The following AIFM2 variants were observed in gnomAD, a reference collection of about 807,000 sequenced individuals.
The protein encoded by AIFM2 is AIF family member 2, ferroptosis suppressor.
A neutral mutation model predicts 35.7 loss-of-function variants in AIFM2; 38 were observed. The observed-to-expected ratio is 1.06, with a 90% CI of 0.82 to 1.39. The LOEUF is 1.39. Ranked by LOEUF, AIFM2 falls within the 40% of genes most tolerant of loss-of-function variation. The pLI, the probability that AIFM2 is intolerant of heterozygous loss-of-function variation, is 0.00. For synonymous variants in AIFM2, 185 were observed against 203.5 expected, an observed-to-expected ratio of 0.91 and a Z score of 0.77; for missense variants, 476 against 491.2, an observed-to-expected ratio of 0.97 and a Z score of 0.29.
rs375133466 is a variant in AIFM2 at position 70,117,155 on chromosome 10, G to A, written c.617-381C>T. Among the ~76,000 whole-genome samples, 20 of 152,352 alleles carry A rather than the reference G, an allele frequency of 1.3e-4. 1 individual carries two copies. In the East Asian group the frequency reaches 2.5e-3, roughly 19 times the overall value. On this transcript the variant is annotated intron_variant, in intron 6 of 8. Coordinates refer to ENST00000307864, the MANE Select transcript of AIFM2 (RefSeq NM_032797.6). The surrounding 1 kb of genome is among the most constrained non-coding windows in gnomAD (Gnocchi z 4.7). ...CACCACGACAAAGGGGAAAGCCAGA[G>A]AAAGAGAAGCCAGCTCGCTACACTC...
chr10:70,123,250 C>T (rs2072529101), intron 3 of AIFM2, among the ~76,000 whole-genome samples, 155 bp downstream of exon 3: 4 of 152,180 alleles, frequency 2.6e-5, no homozygotes, highest in Admixed American at 2.6e-4. Flanking sequence ...AACTCCTGAC[C>T]TCAGGTGATC....
Position 70,117,840 on chromosome 10 carries a change from G to T in AIFM2, c.588C>A (p.Leu196=), listed in dbSNP as rs2072455001. ...PSVRQEVKEI[L]LRKGVQLLLS... is the part of the protein sequence containing the mutation. The stretch of plus-strand genomic sequence containing the variant: ...GCAGCAGCTGCACGCCCTTCCGGAG[G>T]AGGATCTCCTTCACTTCCTGCCGGA... The change falls in exon 6 of 9, where the codon CTC becomes CTA. Residue 196 remains leucine (L), a synonymous_variant. Coordinates refer to ENST00000307864, the MANE Select transcript of AIFM2 (RefSeq NM_032797.6). This position sits in a 1 kb window ranked among gnomAD's most constrained non-coding sequence, Gnocchi z 4.7. 6.2e-7 allele frequency: 1 copy of T among 1,604,938 alleles called. No homozygotes were observed. The highest frequency in any genetic ancestry group is 1.3e-5 in the African/African-American group (1 of 74,316).
chr10:70,125,437 C>CAAAAAAAAAAAAAA (rs199638586), intron 1 of AIFM2, among the ~76,000 whole-genome samples: 2 of 67,952 alleles, frequency 2.9e-5, no homozygotes, highest in African/African-American at 6.6e-5. Context: ...TCTGTCTCTA[C>CAAAAAAAAAAAAAA]AAAAAAAAAA....
Position 70,124,072 on chromosome 10 carries a change from C to T in AIFM2, c.13G>A (p.Val5Ile), listed in dbSNP as rs2072540062. The T allele has an allele frequency of 6.5e-7, 1 of 1,539,046 alleles. No individual in the cohort carries two copies. The highest frequency in any genetic ancestry group is 1.2e-5 in the South Asian group (1 of 82,360). ...TGCAGAGCTCCCGATTCCACCGAGA[C>T]CTGGGACCCCATCTCAAATCAGGCA... MGSQ[V>I]SVESGALHVV... Residue 5 changes from valine (V) to isoleucine (I), a missense_variant, in exon 2 of 9, where the codon GTC becomes ATC. Coordinates refer to ENST00000307864, the MANE Select transcript of AIFM2 (RefSeq NM_032797.6).
rs35599207 is a variant in AIFM2 at position 70,121,223 on chromosome 10, CAAAAAAAAAAAAAAAAAAAA to C, written c.295-32_295-13del. ...GAGAAGGGCAGGGCCTGAGAGAAAC[CAAAAAAAAAAAAAAAAAAAA>C]AAAAAAAAAGATGAGGGTAGGGCAG... On this transcript the variant is annotated splice_polypyrimidine_tract_variant and intron_variant, in intron 3 of 8. Coordinates refer to ENST00000307864, the MANE Select transcript of AIFM2 (RefSeq NM_032797.6). 34 of 664,374 alleles carry C rather than the reference CAAAAAAAAAAAAAAAAAAAA, an allele frequency of 5.1e-5. No homozygotes were observed. Among genetic ancestry groups the C allele is most frequent in the Non-Finnish European group, 5.8e-5 (33 of 568,040 alleles). The allele number at this position is 664,374 out of a possible 1,614,324, so 41.2% of individuals were successfully genotyped here.
intron 3 of AIFM2, 95 bp from the exon 4 acceptor site, chr10:70,121,306 C>A: frequency 1.4e-6 from 2 of 1,412,162 alleles, no homozygotes; most frequent in East Asian, 2.6e-5. Context: ...CTACTCCCGG[C>A]CTGCCAGCCG....
Position 70,117,172 on chromosome 10 carries a change from G to C in AIFM2, c.617-398C>G, listed in dbSNP as rs77527993. On this transcript the variant is annotated intron_variant, in intron 6 of 8. Transcript: ENST00000307864. This position sits in a 1 kb window ranked among gnomAD's most constrained non-coding sequence, Gnocchi z 4.7. ...AAGCCAGAGAAAGAGAAGCCAGCTC[G>C]CTACACTCACTGCCTAAAGTGACAG... 2.8e-3 allele frequency among the ~76,000 whole-genome samples: 431 copies of C among 152,298 alleles called. 14 individuals carry two copies. The East Asian group carries it at 0.045, about 16-fold the overall frequency.
chr10:70,124,108 GA>G lies in AIFM2; in HGVS notation c.-13-12del. 1.4e-6 allele frequency: 2 copies of G among 1,459,008 alleles called. No individual in the cohort carries two copies. Among genetic ancestry groups the G allele is most frequent in the East Asian group, 2.6e-5 (1 of 38,418 alleles). 90.4% of individuals were successfully genotyped at this position (1,459,008 alleles called of 1,614,324 possible). A position where few individuals can be genotyped will look rare whatever the true frequency, so the allele number is the denominator to read the frequency against. On this transcript the variant is annotated splice_polypyrimidine_tract_variant and intron_variant, in intron 1 of 8. Transcript: ENST00000307864. ...ATCTCAAATCAGGCACTGCTGGGAA[GA>G]AAGAGGAGAGCATATCAGAGTCAGG...
intron 1 of AIFM2, among the ~76,000 whole-genome samples, chr10:70,128,337 G>A (rs546955714): frequency 1.3e-5 from 2 of 152,316 alleles, no homozygotes; most frequent in East Asian, 3.9e-4. Context: ...GTAGCCAGTT[G>A]TTTTTAAAGG....
At chr10:70,115,578 C>A (rs963295519) in intron 7 of AIFM2, among the ~76,000 whole-genome samples, 11 of 152,324 alleles carry the variant, frequency 7.2e-5, no homozygotes, top group Non-Finnish European at 2.9e-5. Context: ...ACCAGTCTGA[C>A]CAATATGGTG....
Position 70,131,552 on chromosome 10 carries a change from C to T in AIFM2, c.-14+1182G>A, listed in dbSNP as rs1327523528. Among the ~76,000 whole-genome samples the T allele has an allele frequency of 6.6e-6, 1 of 152,194 alleles. No individual in the cohort carries two copies. The highest frequency in any genetic ancestry group is 2.1e-4 in the South Asian group (1 of 4,834). On this transcript the variant is annotated intron_variant, in intron 1 of 8. Coordinates refer to ENST00000307864, the MANE Select transcript of AIFM2 (RefSeq NM_032797.6). The surrounding 1 kb of genome is among the most constrained non-coding windows in gnomAD (Gnocchi z 4.1). ...GTTCATCTGGATGTCATATTCACTC[C>T]CGCACAGAAAACCTAGGCCAAGCAA...
chr10:70,121,303 C>T (rs2072503050), intron 3 of AIFM2, 92 bp from the exon 4 acceptor site: 9 of 1,410,974 alleles, frequency 6.4e-6, no homozygotes, highest in African/African-American at 4.4e-5. Flanking sequence ...ATCCTACTCC[C>T]GGCCTGCCAG....
At chr10:70,132,374 T>A (rs74139276) in intron 1 of AIFM2, among the ~76,000 whole-genome samples, 2,493 of 152,288 alleles carry the variant, frequency 0.016, 55 homozygotes, top group African/African-American at 0.057. Flanking sequence ...CCTCGGACGG[T>A]CCTCGCAAGA....
At chr10:70,116,122 A>G (rs2072432690) in intron 7 of AIFM2, among the ~76,000 whole-genome samples, 1 of 152,168 alleles carries the variant, frequency 6.6e-6, no homozygotes, top group Non-Finnish European at 1.5e-5. Flanking sequence ...AGGCTTAAAC[A>G]CACATCAGTC....
intron 3 of AIFM2, 102 bp downstream of exon 3, chr10:70,123,303 G>T: frequency 9.9e-7 from 1 of 1,012,298 alleles, no homozygotes; most frequent in Non-Finnish European, 1.5e-6. Context: ...ACAGGTGTGA[G>T]CCACCGCCCC....
chr10:70,123,875 C>G, intron 2 of AIFM2, 32 bp downstream of exon 2: 6 of 1,501,430 alleles, frequency 4.0e-6, no homozygotes, highest in Non-Finnish European at 4.4e-6. Context: ...AGACCCCCCT[C>G]ACAGAGACAG....
intron 3 of AIFM2, among the ~76,000 whole-genome samples, chr10:70,121,602 C>T (rs1589849154): frequency 6.6e-6 from 1 of 151,834 alleles, no homozygotes; most frequent in South Asian, 2.1e-4. Flanking sequence ...CTCCTGCCTC[C>T]GCCAGGAAGA....
chr10:70,112,415 G>C lies in AIFM2; in HGVS notation c.*1763C>G, dbSNP rs942404504. 5.3e-5 allele frequency: 8 copies of C among 152,226 alleles called. No individual in the cohort carries two copies. Among genetic ancestry groups the C allele is most frequent in the African/African-American group, 1.9e-4 (8 of 41,458 alleles). 9.4% of individuals were successfully genotyped at this position (152,226 alleles called of 1,614,324 possible). A position where few individuals can be genotyped will look rare whatever the true frequency, so the allele number is the denominator to read the frequency against. Reference sequence around the variant, plus strand: ...GGGATTCCCACCTCGCTGGACCCCAGGTCAGATAGCACCAGGGCCTGTGTT... The same window carrying C: ...GGGATTCCCACCTCGCTGGACCCCACGTCAGATAGCACCAGGGCCTGTGTT... On this transcript the variant is annotated 3_prime_UTR_variant, in exon 9 of 9. Coordinates refer to ENST00000307864, the MANE Select transcript of AIFM2 (RefSeq NM_032797.6).
rs199638586 is a variant in AIFM2 at position 70,125,437 on chromosome 10, C to CAAAAAAAA, written c.-13-1348_-13-1341dup. Among the ~76,000 whole-genome samples, 80 of 67,952 alleles carry CAAAAAAAA rather than the reference C, an allele frequency of 1.2e-3. 9 individuals are homozygous for CAAAAAAAA. The highest frequency in any genetic ancestry group is 1.8e-3 in the Non-Finnish European group (70 of 38,182). The allele number at this position is 67,952 out of a possible 152,430, so 44.6% of individuals were successfully genotyped here. A position where few individuals can be genotyped will look rare whatever the true frequency, so the allele number is the denominator to read the frequency against. ...GTAACATAGAGAGACTCTGTCTCTA[C>CAAAAAAAA]AAAAAAAAAAAAAAAAAAAAAAAAA... On this transcript the variant is annotated intron_variant, in intron 1 of 8. Transcript: ENST00000307864.
Sources: allele counts gnomAD v4.1 joint callset (sites outside exome capture counted in the v4.1 genomes callset), GRCh38; gene constraint gnomAD v4.1.1; non-coding constraint Gnocchi (gnomAD v3.1); transcripts MANE v1.5; gene names NCBI Gene and HGNC (gene_info 2026-07-23, HGNC 2026-07-21).